The following GPC5 variants were observed in gnomAD, a reference collection of about 807,000 sequenced individuals.
The protein encoded by GPC5 is glypican 5.
A neutral mutation model predicts 53.9 loss-of-function variants in GPC5; 47 were observed. The observed-to-expected ratio is 0.87, with a 90% CI of 0.69 to 1.11. The LOEUF (loss-of-function observed/expected upper bound fraction) is 1.11, where lower values mean the gene tolerates loss of function less well. GPC5 is among the 50% of genes most tolerant of loss of function. GPC5 has a pLI of 0.00. For synonymous variants in GPC5, 286 were observed against 263.3 expected, an observed-to-expected ratio of 1.09 and a Z score of -0.84; for missense variants, 748 against 713.1, an observed-to-expected ratio of 1.05 and a Z score of -0.56.
At position 92,287,410 on chromosome 13, in the gene GPC5, T is replaced by A. The variant is rs141645241; in HGVS notation, c.1561+142421T>A. Among the ~76,000 whole-genome samples the A allele has an allele frequency of 3.9e-4, 59 of 152,300 alleles. 1 individual carries two copies. The highest frequency in any genetic ancestry group is 1.6e-3 in the Admixed American group (24 of 15,294). On this transcript the variant is annotated intron_variant, in intron 7 of 7. Transcript: ENST00000377067. Reference sequence around the variant, plus strand: ...AAGGTTTTTCAAGCCTTCTATTGTCTTAATGCTCTTTGTTCTATTCATTAG... The same window carrying A: ...AAGGTTTTTCAAGCCTTCTATTGTCATAATGCTCTTTGTTCTATTCATTAG...
At chr13:92,518,917 T>C (rs1880908972) in intron 7 of GPC5, among the ~76,000 whole-genome samples, 1 of 151,938 alleles carries the variant, frequency 6.6e-6, no homozygotes, top group Non-Finnish European at 1.5e-5. Flanking sequence ...AGGCTCAAAA[T>C]AAAGGGCTGG....
At chr13:91,958,586 G>A (rs776552323) in intron 6 of GPC5, among the ~76,000 whole-genome samples, 1 of 151,916 alleles carries the variant, frequency 6.6e-6, no homozygotes, top group Non-Finnish European at 1.5e-5. Context: ...TCTTCTCATT[G>A]GCACATGGAA....
chr13:91,451,582 G>C (rs558551619), intron 2 of GPC5, among the ~76,000 whole-genome samples: 4 of 151,632 alleles, frequency 2.6e-5, no homozygotes, highest in African/African-American at 9.7e-5. Context: ...TTCCATTTAG[G>C]CTAGAATTAG....
At chr13:92,031,251 T>C (rs1444144673) in intron 6 of GPC5, among the ~76,000 whole-genome samples, 1 of 152,142 alleles carries the variant, frequency 6.6e-6, no homozygotes, top group East Asian at 1.9e-4. Context: ...TGAGGTATCT[T>C]ATGCTTCATT....
In GPC5 at chr13:91,693,431, C is replaced by T. The variant is rs901911982; in HGVS notation, c.570C>T (p.Tyr190=). 4.3e-6 allele frequency: 7 copies of T among 1,614,014 alleles called. No individual in the cohort carries two copies. The highest frequency in any genetic ancestry group is 1.7e-5 in the Admixed American group (1 of 59,992). The part of the protein sequence containing the change: ...NPGVTDSSLE[Y]SECIRMARRD... ...GTGTGACTGACAGTTCCCTGGAATA[C>T]TCAGAATGCATCCGGATGGCTCGCC... is the stretch of plus-strand genomic sequence containing the variant. The change falls in exon 3 of 8, where the codon TAC becomes TAT. Residue 190 remains tyrosine, a synonymous_variant. Coordinates refer to ENST00000377067, the MANE Select transcript of GPC5 (RefSeq NM_004466.6).
At chr13:92,077,627 T>C (rs1287124525) in intron 6 of GPC5, among the ~76,000 whole-genome samples, 1 of 152,144 alleles carries the variant, frequency 6.6e-6, no homozygotes, top group Non-Finnish European at 1.5e-5. Context: ...AATTGCTGCT[T>C]CCTCCTTGAT....
chr13:92,488,957 G>T (rs1188415517), intron 7 of GPC5, among the ~76,000 whole-genome samples: 2 of 152,128 alleles, frequency 1.3e-5, no homozygotes, highest in African/African-American at 4.8e-5. Flanking sequence ...AATTTCAGGG[G>T]AATGGTTTCA....
At chr13:92,242,612 A>G (rs1051857486) in intron 7 of GPC5, among the ~76,000 whole-genome samples, 1 of 152,078 alleles carries the variant, frequency 6.6e-6, no homozygotes, top group African/African-American at 2.4e-5. Flanking sequence ...ATATAAAATA[A>G]AGAAAGAGTC....
intron 1 of GPC5, among the ~76,000 whole-genome samples, chr13:91,434,536 G>C (rs9589231): frequency 0.64 from 97,296 of 151,708 alleles, 31,815 homozygotes; most frequent in African/African-American, 0.75. Context: ...ATTTCTGAGG[G>C]CTCTGTTCTG....
intron 3 of GPC5, among the ~76,000 whole-genome samples, chr13:91,710,680 C>T (rs1033315717): frequency 6.6e-6 from 1 of 152,146 alleles, no homozygotes; most frequent in African/African-American, 2.4e-5. Context: ...GCAGCCCAAG[C>T]TGCCCAGGGC....
intron 6 of GPC5, among the ~76,000 whole-genome samples, chr13:92,118,245 G>A (rs2041616483): frequency 6.6e-6 from 1 of 152,124 alleles, no homozygotes; most frequent in Non-Finnish European, 1.5e-5. Context: ...TAATCATATT[G>A]AAAGTTATAT....
At chr13:92,213,622 C>T (rs1049314722) in intron 7 of GPC5, among the ~76,000 whole-genome samples, 1 of 152,118 alleles carries the variant, frequency 6.6e-6, no homozygotes, top group Non-Finnish European at 1.5e-5. Context: ...ATAACTACTT[C>T]CATCAAAAAG....
At chr13:92,551,222 T>C (rs1404813388) in intron 7 of GPC5, among the ~76,000 whole-genome samples, 1 of 151,524 alleles carries the variant, frequency 6.6e-6, no homozygotes. Context: ...TAGTTTAAGA[T>C]TTTTTTGTGT....
chr13:92,098,356 C>A (rs996375682), intron 6 of GPC5, among the ~76,000 whole-genome samples: 1 of 152,110 alleles, frequency 6.6e-6, no homozygotes, highest in Non-Finnish European at 1.5e-5. Flanking sequence ...TTGTTATGAC[C>A]TTTGCACCTT....
chr13:91,632,738 T>C (rs2034190507), intron 2 of GPC5, among the ~76,000 whole-genome samples: 1 of 152,076 alleles, frequency 6.6e-6, no homozygotes, highest in Admixed American at 6.6e-5. Context: ...AAAAAAGAAA[T>C]GCTGCCTAAC....
intron 7 of GPC5, among the ~76,000 whole-genome samples, chr13:92,244,037 G>A (rs900323066): frequency 4.0e-5 from 6 of 151,854 alleles, no homozygotes; most frequent in Non-Finnish European, 8.8e-5. Flanking sequence ...TAGAGATCAG[G>A]AAAGATTAGG....
chr13:91,929,469 T>A (rs1216137200), intron 6 of GPC5, among the ~76,000 whole-genome samples: 1 of 152,108 alleles, frequency 6.6e-6, no homozygotes, highest in East Asian at 1.9e-4. Context: ...TTGGATGAAA[T>A]TGCATAGATT....
At chr13:91,620,127 A>G (rs747221778) in intron 2 of GPC5, among the ~76,000 whole-genome samples, 2 of 152,046 alleles carry the variant, frequency 1.3e-5, no homozygotes, top group Non-Finnish European at 2.9e-5. Context: ...CATCTTTCCT[A>G]TGCTTTTCCT....
intron 6 of GPC5, among the ~76,000 whole-genome samples, chr13:92,102,583 T>C (rs977734953): frequency 2.0e-5 from 3 of 152,124 alleles, no homozygotes; most frequent in African/African-American, 7.2e-5. Flanking sequence ...AAGTAGAGGT[T>C]GAAAATATAG....
Sources: gnomAD v4.1 joint callset for allele counts (sites outside exome capture counted in the v4.1 genomes callset) on GRCh38, gnomAD v4.1.1 for gene constraint, MANE v1.5 for transcripts, NCBI Gene and HGNC (gene_info 2026-07-23, HGNC 2026-07-21) for gene names.